BROX: variants seen among roughly 807,000 people sequenced by gnomAD.
The protein encoded by BROX is BRO1 domain-containing protein BROX.
Under a neutral mutation model 61.0 loss-of-function variants are expected in BROX, and 53 were observed. That is an observed-to-expected ratio of 0.87 (90% CI 0.70 to 1.09). BROX has a LOEUF of 1.09. Ranked by LOEUF, BROX falls within the 50% of genes least tolerant of loss-of-function variation. The pLI, the probability that BROX is intolerant of heterozygous loss-of-function variation, is 0.00. For missense variants in BROX, 489 were observed against 472.0 expected, an observed-to-expected ratio of 1.04 and a Z score of -0.33; for synonymous variants, 152 against 160.2, an observed-to-expected ratio of 0.95 and a Z score of 0.38.
Position 222,714,271 on chromosome 1 carries a change from G to T in BROX, c.-17+1329G>T, listed in dbSNP as rs1294243215. 2.7e-5 allele frequency among the ~76,000 whole-genome samples: 4 copies of T among 149,506 alleles called. No individual in the cohort carries two copies. In the East Asian group the frequency reaches 7.8e-4, roughly 29 times the overall value. On this transcript the variant is annotated intron_variant, in intron 1 of 12. Transcript: ENST00000340934. ...CTGTCGCCCAGGCTGGAGTGCAGTG[G>T]TGCCATCTCGGCTCACTGCAAGCTC...
intron 1 of BROX, 73 bp from the exon 2 acceptor site, chr1:222,715,608 ATTG>A: frequency 1.7e-6 from 1 of 597,822 alleles, no homozygotes; most frequent in Non-Finnish European, 2.6e-6. Context: ...ATTGAAATAA[ATTG>A]TTATGCTATT....
At chr1:222,725,592 T>G in intron 7 of BROX, 37 bp downstream of exon 7, 2 of 1,481,054 alleles carry the variant, frequency 1.4e-6, no homozygotes, top group Non-Finnish European at 1.9e-6. Flanking sequence ...TAAATGAAAG[T>G]CTATATTGTC....
At chr1:222,714,209 CTTTT>C (rs397864188) in intron 1 of BROX, among the ~76,000 whole-genome samples, 9 of 126,806 alleles carry the variant, frequency 7.1e-5, no homozygotes, top group Non-Finnish European at 1.3e-4. Context: ...AGACATGCTG[CTTTT>C]TTTTTTTTTT....
chr1:222,721,013 C>T (rs1320009706), intron 4 of BROX, among the ~76,000 whole-genome samples: 1 of 151,936 alleles, frequency 6.6e-6, no homozygotes, highest in Non-Finnish European at 1.5e-5. Flanking sequence ...ATATTTTTTC[C>T]ATTATAGTTA....
chr1:222,731,233 A>T (rs891342967), intron 11 of BROX, 124 bp from the exon 12 acceptor site: 13 of 790,572 alleles, frequency 1.6e-5, no homozygotes, highest in Non-Finnish European at 2.2e-5. Context: ...TCACTTTCCT[A>T]CATAAGGCAG....
At chr1:222,713,245 C>A (rs1045910986) in intron 1 of BROX, 3 of 986,184 alleles carry the variant, frequency 3.0e-6, no homozygotes, top group African/African-American at 3.5e-5. Flanking sequence ...CCACCTCTCC[C>A]GGGTTGACAG....
intron 12 of BROX, among the ~76,000 whole-genome samples, 192 bp from the exon 13 acceptor site, chr1:222,732,436 A>G (rs554344843): frequency 1.2e-4 from 18 of 152,178 alleles, no homozygotes. Flanking sequence ...CTAGGTTTTC[A>G]TCTCTACTGA....
chr1:222,714,251 G>T (rs1238301004), intron 1 of BROX, among the ~76,000 whole-genome samples: 7 of 133,904 alleles, frequency 5.2e-5, no homozygotes, highest in African/African-American at 2.0e-4. Flanking sequence ...TCCCTCTGTC[G>T]CCCAGGCTGG....
At chr1:222,725,211 A>G (rs1328222716) in intron 6 of BROX, among the ~76,000 whole-genome samples, 1 of 152,226 alleles carries the variant, frequency 6.6e-6, no homozygotes, top group Non-Finnish European at 1.5e-5. Flanking sequence ...TCAGCAGTCT[A>G]TCATGACTTA....
intron 4 of BROX, among the ~76,000 whole-genome samples, chr1:222,720,617 GC>G: frequency 6.6e-6 from 1 of 152,160 alleles, no homozygotes; most frequent in South Asian, 2.1e-4. Flanking sequence ...TTTGAGACCA[GC>G]CTGGCCAACG....
At chr1:222,724,834 G>A (rs1033963616) in intron 6 of BROX, among the ~76,000 whole-genome samples, 3 of 152,002 alleles carry the variant, frequency 2.0e-5, no homozygotes, top group South Asian at 2.1e-4. Context: ...TTGCACTGTC[G>A]CCCGGGCTGG....
At position 222,712,926 on chromosome 1, in the gene BROX, C is replaced by T. The variant is rs745381030; in HGVS notation, c.-33C>T. 2 of 1,194,176 alleles carry T rather than the reference C, an allele frequency of 1.7e-6. No homozygotes were observed. The highest frequency in any genetic ancestry group is 6.0e-5 in the East Asian group (1 of 16,626). 74.0% of individuals were successfully genotyped at this position (1,194,176 alleles called of 1,614,324 possible). Reference sequence around the variant, plus strand: ...TCTTCCCTTAGAAGAACTGCTGAACCGACTCTGAGAAATTTGGTAAGTATG... The same window carrying T: ...TCTTCCCTTAGAAGAACTGCTGAACTGACTCTGAGAAATTTGGTAAGTATG... On this transcript the variant is annotated 5_prime_UTR_variant, in exon 1 of 13. Transcript: ENST00000340934.
intron 2 of BROX, 56 bp downstream of exon 2, chr1:222,715,856 G>T: frequency 1.0e-6 from 1 of 1,001,876 alleles, no homozygotes; most frequent in South Asian, 1.6e-5. Context: ...TGGTTCCATG[G>T]CAATACAGAA....
Position 222,712,586 on chromosome 1 carries a change from C to G in BROX, c.-373C>G, listed in dbSNP as rs570934890. 1.5e-6 allele frequency: 2 copies of G among 1,370,726 alleles called. No individual in the cohort carries two copies. The highest frequency in any genetic ancestry group is 3.1e-5 in the East Asian group (1 of 32,066). The allele number at this position is 1,370,726 out of a possible 1,614,324, so 84.9% of individuals were successfully genotyped here. On this transcript the variant is annotated 5_prime_UTR_variant, in exon 1 of 13. Transcript: ENST00000340934. Reference sequence around the variant, plus strand: ...CCCACTGCGCCGAGGGCCGCCATCGCTATTGCGGCATTCTCCCTCGGCTCC... The same window carrying G: ...CCCACTGCGCCGAGGGCCGCCATCGGTATTGCGGCATTCTCCCTCGGCTCC...
chr1:222,716,480 T>C (rs1304250103), intron 2 of BROX, among the ~76,000 whole-genome samples: 1 of 152,244 alleles, frequency 6.6e-6, no homozygotes, highest in Non-Finnish European at 1.5e-5. Flanking sequence ...TGAAATGGCC[T>C]TCAAAGTGTT....
Position 222,728,845 on chromosome 1 carries a change from C to T in BROX, c.756+17C>T, listed in dbSNP as rs1434657222. 2.6e-6 allele frequency: 4 copies of T among 1,529,938 alleles called. No individual in the cohort carries two copies. The allele number at this position is 1,529,938 out of a possible 1,614,324, so 94.8% of individuals were successfully genotyped here. A position where few individuals can be genotyped will look rare whatever the true frequency, so the allele number is the denominator to read the frequency against. On this transcript the variant is annotated intron_variant, in intron 9 of 12. Coordinates refer to ENST00000340934, the MANE Select transcript of BROX (RefSeq NM_144695.4). The stretch of plus-strand genomic sequence containing the variant: ...ACAGCTTATGTAAGTATTCACAACG[C>T]TAAAAACAATGTAAATTATTGTTTC...
intron 11 of BROX, 127 bp downstream of exon 11, chr1:222,730,304 C>A: frequency 1.6e-6 from 1 of 610,366 alleles, no homozygotes; most frequent in Non-Finnish European, 2.4e-6. Context: ...TTGAATAGCA[C>A]TCACTCATGG....
intron 8 of BROX, among the ~76,000 whole-genome samples, chr1:222,727,530 A>G (rs970524268): frequency 3.9e-5 from 6 of 152,198 alleles, no homozygotes; most frequent in African/African-American, 9.7e-5. Context: ...TATAGTTACT[A>G]TGCTTTAGAC....
chr1:222,732,373 T>C (rs1403311811), intron 12 of BROX, among the ~76,000 whole-genome samples: 4 of 152,176 alleles, frequency 2.6e-5, no homozygotes, highest in Non-Finnish European at 5.9e-5. Context: ...GATAGATCAC[T>C]TAGAAAAAAG....
Sources: gnomAD v4.1 joint callset for allele counts (sites outside exome capture counted in the v4.1 genomes callset) on GRCh38, gnomAD v4.1.1 for gene constraint, MANE v1.5 for transcripts, NCBI Gene and HGNC (gene_info 2026-07-23, HGNC 2026-07-21) for gene names.